Variants in PYCR1 observed in about 807,000 individuals in gnomAD.
PYCR1 encodes pyrroline-5-carboxylate reductase 1, also known as pyrroline-5-carboxylate reductase 1, mitochondrial.
A neutral mutation model predicts 22.9 loss-of-function variants in PYCR1; 19 were observed. The ratio of observed to expected loss-of-function variants is 0.83; its 90% confidence interval spans 0.58 to 1.22. The LOEUF (loss-of-function observed/expected upper bound fraction) is 1.22, where lower values mean the gene tolerates loss of function less well. Among genes scored for constraint, PYCR1 ranks in the 50% most tolerant of loss-of-function variants. PYCR1 has a pLI of 0.00. For synonymous variants in PYCR1, 175 were observed against 180.5 expected, an observed-to-expected ratio of 0.97 and a Z score of 0.24; for missense variants, 429 against 431.3, an observed-to-expected ratio of 0.99 and a Z score of 0.05.
rs1194906519 is a variant in PYCR1, at chr17:81,934,488, C to T, written c.635G>A (p.Gly212Glu). The T allele has an allele frequency of 1.9e-6, 3 of 1,599,894 alleles. No homozygotes were observed. Among genetic ancestry groups the T allele is most frequent in the Middle Eastern group, 1.7e-4 (1 of 6,020 alleles). ...TGAGTGCAGCAGCATCTTGGCAGCC[C>T]CCTGCAGCCAGAAGAAAGGCTGACG... Reference protein sequence around the residue: ...AVRLGAQALLGAAKMLLHSEQ... With the variant: ...AVRLGAQALLEAAKMLLHSEQ... The change falls in exon 6 of 7, where the codon GGG becomes GAG. Residue 212 changes from glycine to glutamate, a missense_variant and splice_region_variant. Transcript: ENST00000329875.
rs751240444 is a variant in PYCR1, at chr17:81,935,049, C to A, written c.417G>T (p.Thr139=). 6.2e-7 allele frequency: 1 copy of A among 1,610,398 alleles called. No individual in the cohort carries two copies. The highest frequency in any genetic ancestry group is 8.5e-7 in the Non-Finnish European group (1 of 1,179,988). The change falls in exon 4 of 7, where the codon ACG becomes ACT. Residue 139 remains threonine, a synonymous_variant. Coordinates refer to ENST00000329875, the MANE Select transcript of PYCR1 (RefSeq NM_006907.4). ...REGATVYATG[T]HAQVEDGRLM... is the part of the protein sequence containing the mutation. ...GCCTCCCGTCCTCCACCTGGGCGTG[C>A]GTGCCTGTGGCATACACGGTGGCCC...
intron 4 of PYCR1, 45 bp downstream of exon 4, chr17:81,934,881 T>C: frequency 1.3e-6 from 2 of 1,598,054 alleles, no homozygotes; most frequent in South Asian, 2.2e-5. Context: ...TGCCCGGTGG[T>C]CCCGGGAAGT....
chr17:81,937,191 AC>A lies in PYCR1; in HGVS notation c.-378del. On this transcript the variant is annotated 5_prime_UTR_variant, in exon 1 of 7. An upstream open reading frame in the 5' UTR loses its in-frame stop. Coordinates refer to ENST00000329875, the MANE Select transcript of PYCR1 (RefSeq NM_006907.4). The stretch of plus-strand genomic sequence containing the variant: ...CAGAACTGGGCTACCGTCGCGCCCC[AC>A]CCGGCGACCGCCGCCCACCATTCCC... 1 of 1,471,198 alleles carries A rather than the reference AC, an allele frequency of 6.8e-7. No homozygotes were observed. The highest frequency in any genetic ancestry group is 9.0e-7 in the Non-Finnish European group (1 of 1,116,000). 91.1% of individuals were successfully genotyped at this position (1,471,198 alleles called of 1,614,324 possible). A position where few individuals can be genotyped will look rare whatever the true frequency, so the allele number is the denominator to read the frequency against.
chr17:81,934,609 C>T (rs1476538500), intron 5 of PYCR1, 44 bp downstream of exon 5: 2 of 1,549,300 alleles, frequency 1.3e-6, no homozygotes, highest in Non-Finnish European at 1.7e-6. Context: ...GCCCCAGGGC[C>T]CCGCAAAGAG....
Position 81,935,132 on chromosome 17 carries a change from G to C in PYCR1, c.334C>G (p.Arg112Gly). Residue 112 changes from arginine (R) to glycine (G), a missense_variant, in exon 4 of 7, where the codon CGG (arginine) becomes GGG (glycine). Arg to Gly is a moderately radical substitution (Grantham distance 125). Coordinates refer to ENST00000329875, the MANE Select transcript of PYCR1 (RefSeq NM_006907.4). ...CAGCGGATGACCCTGGGGGCTGGCC[G>C]AAACGCTGACAGCTTCTGGAAGAGA... ...SSIEKKLSAFRPAPRVIRCMT... is the reference protein window; with the variant it reads ...SSIEKKLSAFGPAPRVIRCMT... 1 of 1,607,876 alleles carries C rather than the reference G, an allele frequency of 6.2e-7. No individual in the cohort carries two copies. The highest frequency in any genetic ancestry group is 8.5e-7 in the Non-Finnish European group (1 of 1,179,716).
At chr17:81,936,030 C>T in intron 2 of PYCR1, 93 bp downstream of exon 2, 1 of 1,436,104 alleles carries the variant, frequency 7.0e-7, no homozygotes, top group Non-Finnish European at 9.8e-7. Context: ...GGCCCCTGCC[C>T]TCACTGGGGT....
In PYCR1 at chr17:81,935,030, C is replaced by A. The variant is rs748476036; in HGVS notation, c.436G>T (p.Gly146Trp). 4.3e-6 allele frequency: 7 copies of A among 1,610,316 alleles called. No homozygotes were observed. In the African/African-American group the frequency reaches 9.3e-5, roughly 22 times the overall value. ...ATGTHAQVEDGRLMEQLLSSV... is the reference protein window; with the variant it reads ...ATGTHAQVEDWRLMEQLLSSV... Reference sequence around the variant, plus strand: ...CTCAGCAGCTGCTCCATGAGCCTCCCGTCCTCCACCTGGGCGTGCGTGCCT... The same window carrying A: ...CTCAGCAGCTGCTCCATGAGCCTCCAGTCCTCCACCTGGGCGTGCGTGCCT... Residue 146 changes from glycine (G) to tryptophan (W), a missense_variant, in exon 4 of 7, where the codon GGG becomes TGG. Physicochemically the swap from Gly to Trp is radical, Grantham distance 184. Coordinates refer to ENST00000329875, the MANE Select transcript of PYCR1 (RefSeq NM_006907.4).
chr17:81,937,007 G>A lies in PYCR1; in HGVS notation c.-193C>T. On this transcript the variant is annotated 5_prime_UTR_variant, in exon 1 of 7. Coordinates refer to ENST00000329875, the MANE Select transcript of PYCR1 (RefSeq NM_006907.4). ...TGTCCGGCCCGTTAACTGCTTCGGG[G>A]CCCCCAGTCAGAGCGGCGGTGCCTG... The A allele has an allele frequency of 6.8e-7, 1 of 1,464,472 alleles. No individual in the cohort carries two copies. Among genetic ancestry groups the A allele is most frequent in the Non-Finnish European group, 9.0e-7 (1 of 1,108,596 alleles). The allele number at this position is 1,464,472 out of a possible 1,614,324, so 90.7% of individuals were successfully genotyped here.
At position 81,934,499 on chromosome 17, in the gene PYCR1, GAAGA is replaced by G; in HGVS notation, c.634-14_634-11del. ...GCATCTTGGCAGCCCCCTGCAGCCA[GAAGA>G]AAGGCTGACGGCTGTGGGCACGCAC... On this transcript the variant is annotated splice_polypyrimidine_tract_variant and intron_variant, in intron 5 of 6. Coordinates refer to ENST00000329875, the MANE Select transcript of PYCR1 (RefSeq NM_006907.4). The G allele has an allele frequency of 1.3e-6, 2 of 1,594,034 alleles. No individual in the cohort carries two copies. Among genetic ancestry groups the G allele is most frequent in the Non-Finnish European group, 1.7e-6 (2 of 1,172,038 alleles).
At position 81,932,810 on chromosome 17, in the gene PYCR1, AG is replaced by A; in HGVS notation, c.*403del. 6.5e-7 allele frequency: 1 copy of A among 1,540,418 alleles called. No individual in the cohort carries two copies. The highest frequency in any genetic ancestry group is 1.9e-5 in the Admixed American group (1 of 52,582). On this transcript the variant is annotated 3_prime_UTR_variant, in exon 7 of 7. Coordinates refer to ENST00000329875, the MANE Select transcript of PYCR1 (RefSeq NM_006907.4). ...GTTTCTCCCTGAATGGAGGGCAGGG[AG>A]GGGCCGGGAGGGGGCGTGGGATCCC...
At chr17:81,934,251 G>T in intron 6 of PYCR1, 75 bp downstream of exon 6, 2 of 1,577,098 alleles carry the variant, frequency 1.3e-6, no homozygotes, top group South Asian at 2.3e-5. Context: ...GTGCGTGAAT[G>T]AGCAGATGTG....
rs374503467 is a variant in PYCR1 at position 81,935,406 on chromosome 17, G to A, written c.249C>T (p.Gly83=). 70 of 1,613,452 alleles carry A rather than the reference G, an allele frequency of 4.3e-5. No individual in the cohort carries two copies. Among genetic ancestry groups the A allele is most frequent in the African/African-American group, 1.3e-4 (10 of 74,934 alleles). Residue 83 remains glycine (G), a synonymous_variant, in exon 3 of 7, where the codon GGC becomes GGT. Coordinates refer to ENST00000329875, the MANE Select transcript of PYCR1 (RefSeq NM_006907.4). ...CAATGTGTCTGTCCTCAATGTCGGC[G>A]CCTATTTCATCCAGGATGAAGGGGA... The part of the protein sequence containing the change: ...HIIPFILDEI[G]ADIEDRHIVV...
At chr17:81,935,610 C>A in intron 2 of PYCR1, 94 bp from the exon 3 acceptor site, 3 of 625,566 alleles carry the variant, frequency 4.8e-6, no homozygotes, top group Admixed American at 2.3e-5. Context: ...ACAGAGAATG[C>A]TGGAGTTGGG....
Position 81,933,273 on chromosome 17 carries a change from A to G in PYCR1, c.901T>C (p.Ser301Pro). ...AGCAGCTTGGTGTGGCCAGAAGGTG[A>G]CAGAGCGGTCCCTGCAGGGGAGTCC... ...KLDSPAGTAL[S>P]PSGHTKLLPR... Residue 301 changes from serine (S) to proline (P), a missense_variant, in exon 7 of 7, where the codon TCA becomes CCA. Physicochemically the swap from Ser to Pro is moderately conservative, Grantham distance 74 (BLOSUM62 -1). Transcript: ENST00000329875. 6.2e-7 allele frequency: 1 copy of G among 1,613,990 alleles called. No individual in the cohort carries two copies. Among genetic ancestry groups the G allele is most frequent in the South Asian group, 1.1e-5 (1 of 91,086 alleles).
At position 81,934,398 on chromosome 17, in the gene PYCR1, A is replaced by G; in HGVS notation, c.725T>C (p.Leu242Ser). The G allele has an allele frequency of 6.2e-7, 1 of 1,612,622 alleles. No homozygotes were observed. Among genetic ancestry groups the G allele is most frequent in the Non-Finnish European group, 8.5e-7 (1 of 1,179,872 alleles). The change falls in exon 6 of 7, where the codon TTG (leucine) becomes TCG (serine). Residue 242 changes from leucine to serine, a missense_variant. Transcript: ENST00000329875. ...SSPGGATIHALHVLESGGFRS... is the reference protein window; with the variant it reads ...SSPGGATIHASHVLESGGFRS... ...GAAGCCCCCACTCTCCAGCACATGC[A>G]AGGCATGGATGGTGGCCCCACCAGG...
At chr17:81,933,628 G>A (rs866308180) in intron 6 of PYCR1, among the ~76,000 whole-genome samples, 2 of 152,174 alleles carry the variant, frequency 1.3e-5, no homozygotes, top group Admixed American at 6.5e-5. Flanking sequence ...GCCCCACCAC[G>A]GGATGTGGGT....
chr17:81,935,246 G>T, intron 3 of PYCR1, 91 bp downstream of exon 3: 1 of 1,577,168 alleles, frequency 6.3e-7, no homozygotes. Flanking sequence ...GGGCCGGGAC[G>T]CTGCAACCCT....
Position 81,934,802 on chromosome 17 carries a change from G to A in PYCR1, c.541-57C>T, listed in dbSNP as rs964988058. The stretch of plus-strand genomic sequence containing the variant: ...CTGGGCTTCTCCTCCTTCCCTTCTG[G>A]GCAAGCTCCAGTTCCCACAGCCTTG... On this transcript the variant is annotated intron_variant, in intron 4 of 6. Transcript: ENST00000329875. 63 of 1,536,662 alleles carry A rather than the reference G, an allele frequency of 4.1e-5. No homozygotes were observed. In the Admixed American group the frequency reaches 1.2e-3, roughly 29 times the overall value.
At position 81,936,841 on chromosome 17, in the gene PYCR1, C is replaced by A. The variant is rs1356118213; in HGVS notation, c.-27G>T. ...CTGTCCGGAGACCCCTGGCCCAAAG[C>A]CCCCACAGATGGCACCGGCTCTGCG... On this transcript the variant is annotated 5_prime_UTR_variant, in exon 1 of 7. Transcript: ENST00000329875. The A allele has an allele frequency of 5.0e-6, 8 of 1,598,646 alleles. No individual in the cohort carries two copies. Among genetic ancestry groups the A allele is most frequent in the Non-Finnish European group, 6.8e-6 (8 of 1,174,178 alleles).
Sources: allele counts gnomAD v4.1 joint callset (sites outside exome capture counted in the v4.1 genomes callset), GRCh38; gene constraint gnomAD v4.1.1; transcripts MANE v1.5; gene names NCBI Gene and HGNC (gene_info 2026-07-23, HGNC 2026-07-21).